Variants in CARMIL1 observed in about 807,000 individuals in gnomAD.
CARMIL1 encodes the protein F-actin-uncapping protein LRRC16A.
Under a neutral mutation model 177.1 loss-of-function variants are expected in CARMIL1, and 90 were observed. That is an observed-to-expected ratio of 0.51 (90% CI 0.43 to 0.61). CARMIL1 has a LOEUF of 0.61. CARMIL1 is among the 20% of genes least tolerant of loss of function. CARMIL1 has a pLI of 0.00. For missense variants in CARMIL1, 1,380 were observed against 1,667.0 expected, an observed-to-expected ratio of 0.83 and a Z score of 3.00; for synonymous variants, 577 against 606.2, an observed-to-expected ratio of 0.95 and a Z score of 0.71.
At chr6:25,370,051 G>A (rs1055893529) in intron 2 of CARMIL1, 8 of 152,156 alleles carry the variant, frequency 5.3e-5, no homozygotes, top group African/African-American at 1.7e-4. Flanking sequence ...AAGCGTATCC[G>A]ACTCTATCTC....
rs59911299 is a variant in CARMIL1 at position 25,619,733 on chromosome 6, CTTTTTTTTTTTTTTT to C, written c.*164_*178del. 13 of 93,292 alleles carry C rather than the reference CTTTTTTTTTTTTTTT, an allele frequency of 1.4e-4. No individual in the cohort carries two copies. The highest frequency in any genetic ancestry group is 4.0e-4 in the African/African-American group (6 of 14,974). The allele number at this position is 93,292 out of a possible 1,614,324, so 5.8% of individuals were successfully genotyped here. The stretch of plus-strand genomic sequence containing the variant: ...TTTCGCCCCCACCCCCATCCCCTGC[CTTTTTTTTTTTTTTT>C]TTTTTTTTTTTTTGTATAGAAACAG... On this transcript the variant is annotated 3_prime_UTR_variant, in exon 37 of 37. Transcript: ENST00000329474.
chr6:25,368,936 A>G (rs898946267), intron 2 of CARMIL1, among the ~76,000 whole-genome samples: 1 of 152,228 alleles, frequency 6.6e-6, no homozygotes, highest in Admixed American at 6.5e-5. Flanking sequence ...AAATAATTAC[A>G]GTGGAGCAAT....
At chr6:25,575,844 G>T (rs1812538802) in intron 29 of CARMIL1, among the ~76,000 whole-genome samples, 1 of 152,116 alleles carries the variant, frequency 6.6e-6, no homozygotes, top group African/African-American at 2.4e-5. Context: ...TTTTACTTAT[G>T]TGCTGCCTTT....
chr6:25,611,858 C>G (rs1816529742), intron 36 of CARMIL1, among the ~76,000 whole-genome samples: 1 of 152,168 alleles, frequency 6.6e-6, no homozygotes, highest in African/African-American at 2.4e-5. Context: ...CGGGGAGATA[C>G]TGGATACCAC....
At chr6:25,491,028 T>C (rs1194566042) in intron 13 of CARMIL1, among the ~76,000 whole-genome samples, 1 of 152,238 alleles carries the variant, frequency 6.6e-6, no homozygotes, top group South Asian at 2.1e-4. Context: ...GCTCTGGCAG[T>C]TGCTACACAT....
At chr6:25,478,834 G>A (rs564670233) in intron 11 of CARMIL1, among the ~76,000 whole-genome samples, 2 of 151,594 alleles carry the variant, frequency 1.3e-5, no homozygotes, top group East Asian at 1.9e-4. Context: ...GATTTAGGGC[G>A]TTTAAAAGTT....
At chr6:25,284,565 C>G (rs538765663) in intron 1 of CARMIL1, among the ~76,000 whole-genome samples, 1 of 152,106 alleles carries the variant, frequency 6.6e-6, no homozygotes, top group Non-Finnish European at 1.5e-5. Flanking sequence ...AAAAATTAGC[C>G]GGACCTGGTG....
At chr6:25,405,210 G>A (rs986549862) in intron 2 of CARMIL1, among the ~76,000 whole-genome samples, 2 of 152,180 alleles carry the variant, frequency 1.3e-5, no homozygotes, top group African/African-American at 2.4e-5. Flanking sequence ...CCTGAGCTTC[G>A]AGAAAGAAAA....
intron 8 of CARMIL1, among the ~76,000 whole-genome samples, chr6:25,453,256 A>C (rs1051628764): frequency 1.5e-4 from 23 of 152,220 alleles, no homozygotes; most frequent in South Asian, 1.0e-3. Context: ...TGGAAAAAAA[A>C]AAACAAACAT....
At position 25,279,475 on chromosome 6, in the gene CARMIL1, G is replaced by T. The variant is rs1030168080; in HGVS notation, c.-321G>T. 1.0e-4 allele frequency: 47 copies of T among 448,864 alleles called. No individual in the cohort carries two copies. Among genetic ancestry groups the T allele is most frequent in the African/African-American group, 8.3e-4 (41 of 49,280 alleles). The allele number at this position is 448,864 out of a possible 1,614,324, so 27.8% of individuals were successfully genotyped here. On this transcript the variant is annotated 5_prime_UTR_variant, in exon 1 of 37. Transcript: ENST00000329474. The stretch of plus-strand genomic sequence containing the variant: ...AAGCCCCGCCGGGGACCAGCGAGCC[G>T]GGAGGAGGAGCAGGCGCCACAGCCG...
chr6:25,494,966 A>C, intron 15 of CARMIL1, 145 bp from the exon 16 acceptor site: 1 of 569,198 alleles, frequency 1.8e-6, no homozygotes. Flanking sequence ...TTATGGCTTT[A>C]GGTTTTGGAC....
At chr6:25,413,210 GA>G (rs1282875166) in intron 2 of CARMIL1, among the ~76,000 whole-genome samples, 1 of 152,172 alleles carries the variant, frequency 6.6e-6, no homozygotes, top group Non-Finnish European at 1.5e-5. Flanking sequence ...TGGGAGTTTG[GA>G]AGGGGAAAGT....
chr6:25,389,824 TAGGAATGAAGAATCAGGAGACA>T (rs1792564607), intron 2 of CARMIL1, among the ~76,000 whole-genome samples: 1 of 152,182 alleles, frequency 6.6e-6, no homozygotes, highest in Non-Finnish European at 1.5e-5. Context: ...GAATACAGTT[TAGGAATGAAGAATCAGGAGACA>T]CTGAGTTTCC....
At chr6:25,329,297 G>A (rs1785392374) in intron 2 of CARMIL1, among the ~76,000 whole-genome samples, 1 of 152,202 alleles carries the variant, frequency 6.6e-6, no homozygotes, top group Non-Finnish European at 1.5e-5. Flanking sequence ...GCTGGGTTGT[G>A]ACCAGGCTCT....
intron 2 of CARMIL1, among the ~76,000 whole-genome samples, chr6:25,334,838 T>C (rs928425928): frequency 1.3e-5 from 2 of 152,190 alleles, no homozygotes; most frequent in African/African-American, 4.8e-5. Context: ...GGCAAATCTT[T>C]AGTTGGCCAG....
At chr6:25,447,090 G>A (rs1430897256) in intron 5 of CARMIL1, among the ~76,000 whole-genome samples, 2 of 152,236 alleles carry the variant, frequency 1.3e-5, no homozygotes, top group Non-Finnish European at 2.9e-5. Flanking sequence ...TTACCAGAAT[G>A]TGGCACAGAG....
intron 2 of CARMIL1, among the ~76,000 whole-genome samples, chr6:25,409,823 T>G (rs1267013022): frequency 2.0e-5 from 3 of 152,238 alleles, no homozygotes; most frequent in Non-Finnish European, 4.4e-5. Context: ...GCCTTGGCTT[T>G]CTTTTCCTTT....
intron 18 of CARMIL1, 145 bp from the exon 19 acceptor site, chr6:25,510,362 G>C (rs1305643752): frequency 3.0e-5 from 17 of 561,816 alleles, no homozygotes; most frequent in Non-Finnish European, 4.7e-5. Context: ...GAGTGCCTTT[G>C]AAAATAAAAG....
chr6:25,601,046 C>T (rs544814043), intron 33 of CARMIL1, among the ~76,000 whole-genome samples: 6 of 152,100 alleles, frequency 3.9e-5, no homozygotes, highest in African/African-American at 7.2e-5. Context: ...CACTTCCTGC[C>T]GTCTGGTAAC....
Sources: allele counts gnomAD v4.1 joint callset (sites outside exome capture counted in the v4.1 genomes callset), GRCh38; gene constraint gnomAD v4.1.1; transcripts MANE v1.5; gene names NCBI Gene and HGNC (gene_info 2026-07-23, HGNC 2026-07-21).